Variants in SLC35G2 observed in about 807,000 individuals in gnomAD.
The protein encoded by SLC35G2 is transmembrane protein 22.
SLC35G2 carries 20 observed loss-of-function variants against 27.2 expected under a neutral mutation model. The observed-to-expected ratio is 0.74, with a 90% CI of 0.52 to 1.07. The LOEUF (loss-of-function observed/expected upper bound fraction) is 1.07, where lower values mean the gene tolerates loss of function less well. Ranked by LOEUF, SLC35G2 falls within the 50% of genes least tolerant of loss-of-function variation. The pLI, the probability that SLC35G2 is intolerant of heterozygous loss-of-function variation, is 0.00. For missense variants in SLC35G2, 416 were observed against 493.3 expected (o/e 0.84, Z 1.48); for synonymous variants, 148 against 165.3 (o/e 0.90, Z 0.80).
At chr3:136,827,917 C>T (rs963877761) in intron 1 of SLC35G2, among the ~76,000 whole-genome samples, 2 of 151,710 alleles carry the variant, frequency 1.3e-5, no homozygotes, top group East Asian at 1.9e-4. Flanking sequence ...ACTTCCACCT[C>T]CTGGGTTCAA....
At chr3:136,825,494 A>G (rs1165830620) in intron 1 of SLC35G2, among the ~76,000 whole-genome samples, 1 of 152,024 alleles carries the variant, frequency 6.6e-6, no homozygotes, top group African/African-American at 2.4e-5. Context: ...CCGCCCCCTC[A>G]GCCTCCCAAA....
rs1483363915 is a variant in SLC35G2, at chr3:136,855,047, C to G, written c.587C>G (p.Thr196Ser). 1.2e-6 allele frequency: 2 copies of G among 1,614,204 alleles called. No individual in the cohort carries two copies. The highest frequency in any genetic ancestry group is 1.7e-6 in the Non-Finnish European group (2 of 1,180,044). The change falls in exon 2 of 2, where the codon ACT becomes AGT. Residue 196 changes from threonine (T) to serine (S), a missense_variant. Thr to Ser is a moderately conservative substitution (Grantham distance 58). Coordinates refer to ENST00000446465, the MANE Select transcript of SLC35G2 (RefSeq NM_025246.3). Reference sequence around the variant, plus strand: ...ATAGTTCCTCCCAGCAATGGGACCACTATGTGGAGAGCCACAACTACAGTC... The same window carrying G: ...ATAGTTCCTCCCAGCAATGGGACCAGTATGTGGAGAGCCACAACTACAGTC... ...FSIVPPSNGT[T>S]MWRATTTVFS...
At chr3:136,847,849 T>C (rs1302136399) in intron 1 of SLC35G2, among the ~76,000 whole-genome samples, 1 of 151,974 alleles carries the variant, frequency 6.6e-6, no homozygotes, top group Non-Finnish European at 1.5e-5. Flanking sequence ...CTGTGGTGGG[T>C]GCCTGTAATC....
At chr3:136,829,863 C>T (rs1378675646) in intron 1 of SLC35G2, among the ~76,000 whole-genome samples, 1 of 152,026 alleles carries the variant, frequency 6.6e-6, no homozygotes, top group East Asian at 1.9e-4. Flanking sequence ...TATCCTTGAT[C>T]TTTGGGAGTT....
At chr3:136,829,867 G>C (rs1396874454) in intron 1 of SLC35G2, among the ~76,000 whole-genome samples, 2 of 152,018 alleles carry the variant, frequency 1.3e-5, no homozygotes, top group East Asian at 3.9e-4. Flanking sequence ...CTTGATCTTT[G>C]GGAGTTTGAT....
intron 1 of SLC35G2, among the ~76,000 whole-genome samples, chr3:136,829,413 G>T (rs2107999710): frequency 6.6e-6 from 1 of 152,078 alleles, no homozygotes; most frequent in East Asian, 1.9e-4. Flanking sequence ...GTAGAGACGG[G>T]GTTTCACTAT....
chr3:136,842,105 A>T (rs1282759313), intron 1 of SLC35G2: 2 of 152,314 alleles, frequency 1.3e-5, no homozygotes, highest in Non-Finnish European at 1.5e-5. Flanking sequence ...CTTTTAATAT[A>T]TTAACATTTA....
At chr3:136,824,948 T>C (rs1257348192) in intron 1 of SLC35G2, among the ~76,000 whole-genome samples, 1 of 152,158 alleles carries the variant, frequency 6.6e-6, no homozygotes, top group East Asian at 1.9e-4. Flanking sequence ...TTCCTCACCC[T>C]GTGTCCATGT....
chr3:136,850,571 C>T lies in SLC35G2; in HGVS notation c.-18-3872C>T, dbSNP rs1032299526. 2.3e-5 allele frequency among the ~76,000 whole-genome samples: 3 copies of T among 129,708 alleles called. No individual in the cohort carries two copies. The South Asian group carries it at 8.4e-4, about 36-fold the overall frequency. 85.1% of individuals were successfully genotyped at this position (129,708 alleles called of 152,430 possible). The stretch of plus-strand genomic sequence containing the variant: ...TTCTTCTATTAAACTCAGGATCACA[C>T]AAGTAGGCATGAGTGTGCACAATAT... On this transcript the variant is annotated intron_variant, in intron 1 of 1. Transcript: ENST00000446465.
chr3:136,833,876 T>G (rs995679271), intron 1 of SLC35G2, among the ~76,000 whole-genome samples: 1 of 152,098 alleles, frequency 6.6e-6, no homozygotes, highest in Non-Finnish European at 1.5e-5. Flanking sequence ...TCTTTTAAAC[T>G]CTCATGGTCT....
chr3:136,839,990 C>T (rs1937018940), intron 1 of SLC35G2, among the ~76,000 whole-genome samples: 2 of 152,212 alleles, frequency 1.3e-5, no homozygotes, highest in Non-Finnish European at 1.5e-5. Context: ...CTACCATTCT[C>T]CTATAGCCTA....
At chr3:136,842,451 C>T (rs1421150145) in intron 1 of SLC35G2, 1 of 152,228 alleles carries the variant, frequency 6.6e-6, no homozygotes, top group African/African-American at 2.4e-5. Context: ...CCTGGCCAGG[C>T]CTTTCTGACA....
intron 1 of SLC35G2, among the ~76,000 whole-genome samples, chr3:136,824,246 A>G (rs1227554573): frequency 6.6e-6 from 1 of 151,342 alleles, no homozygotes; most frequent in African/African-American, 2.4e-5. Context: ...TTTTTTTTCT[A>G]TTTCTGTGAA....
At chr3:136,829,887 C>A (rs1214119256) in intron 1 of SLC35G2, among the ~76,000 whole-genome samples, 1 of 152,010 alleles carries the variant, frequency 6.6e-6, no homozygotes, top group East Asian at 1.9e-4. Flanking sequence ...TTATTAAATG[C>A]CTTGAAGTAG....
At chr3:136,837,358 T>G (rs1936902973) in intron 1 of SLC35G2, 1 of 152,212 alleles carries the variant, frequency 6.6e-6, no homozygotes, top group Non-Finnish European at 1.5e-5. Flanking sequence ...ACTATTTTAG[T>G]GTGACTGAAA....
At chr3:136,833,006 TTGCAG>T (rs1308449547) in intron 1 of SLC35G2, among the ~76,000 whole-genome samples, 2 of 150,718 alleles carry the variant, frequency 1.3e-5, no homozygotes, top group African/African-American at 4.9e-5. Context: ...GAGGCGGAGC[TTGCAG>T]TGAGCTGAGA....
intron 1 of SLC35G2, among the ~76,000 whole-genome samples, chr3:136,839,745 A>T (rs1028632518): frequency 6.6e-6 from 1 of 152,174 alleles, no homozygotes; most frequent in Non-Finnish European, 1.5e-5. Context: ...AAGCTACTGC[A>T]TAGCTGATAA....
intron 1 of SLC35G2, among the ~76,000 whole-genome samples, chr3:136,820,910 A>G (rs1347675117): frequency 6.6e-6 from 1 of 152,218 alleles, no homozygotes; most frequent in Non-Finnish European, 1.5e-5. Context: ...TACCAAAAAA[A>G]TTCCTTAAAG....
At chr3:136,853,668 T>C (rs1937793123) in intron 1 of SLC35G2, among the ~76,000 whole-genome samples, 1 of 152,236 alleles carries the variant, frequency 6.6e-6, no homozygotes, top group Non-Finnish European at 1.5e-5. Context: ...CATCTTTATA[T>C]AATTTCTTTG....
Sources: gnomAD v4.1 joint callset for allele counts (sites outside exome capture counted in the v4.1 genomes callset) on GRCh38, gnomAD v4.1.1 for gene constraint, MANE v1.5 for transcripts, NCBI Gene and HGNC (gene_info 2026-07-23, HGNC 2026-07-21) for gene names.